The following ACAP2 variants were observed in gnomAD, a reference collection of about 807,000 sequenced individuals.
ACAP2 encodes arf-GAP with coiled-coil, ANK repeat and PH domain-containing protein 2.
ACAP2 carries 39 observed loss-of-function variants against 115.8 expected under a neutral mutation model. That is an observed-to-expected ratio of 0.34 (90% CI 0.26 to 0.44). The LOEUF (loss-of-function observed/expected upper bound fraction) is 0.44, where lower values mean the gene tolerates loss of function less well. ACAP2 is among the 20% of genes least tolerant of loss of function. ACAP2 has a pLI of 1.00. For synonymous variants in ACAP2, 289 were observed against 315.8 expected (o/e 0.92, Z 0.90); for missense variants, 662 against 927.6 (o/e 0.71, Z 3.72).
chr3:195,436,224 G>C (rs1715534812), intron 1 of ACAP2, among the ~76,000 whole-genome samples: 1 of 151,596 alleles, frequency 6.6e-6, no homozygotes, highest in Non-Finnish European at 1.5e-5. Flanking sequence ...CCTCTCCCAG[G>C]CTCAAGTGAT....
intron 4 of ACAP2, among the ~76,000 whole-genome samples, chr3:195,346,028 T>C (rs568321280): frequency 6.6e-6 from 1 of 152,242 alleles, no homozygotes; most frequent in East Asian, 1.9e-4. Flanking sequence ...GAAATATCAA[T>C]ATCCAAAAGA....
chr3:195,327,242 C>T (rs911237584), intron 8 of ACAP2, among the ~76,000 whole-genome samples: 1 of 152,126 alleles, frequency 6.6e-6, no homozygotes, highest in African/African-American at 2.4e-5. Context: ...CAGTGATACA[C>T]GTTCAATCCC....
chr3:195,413,158 G>A (rs927504774), intron 1 of ACAP2, among the ~76,000 whole-genome samples: 33 of 152,242 alleles, frequency 2.2e-4, no homozygotes, highest in African/African-American at 7.9e-4. Flanking sequence ...AGTTTTGGTT[G>A]AAAGTCTTTG....
intron 4 of ACAP2, among the ~76,000 whole-genome samples, chr3:195,375,043 T>C (rs1733430396): frequency 6.6e-6 from 1 of 151,718 alleles, no homozygotes; most frequent in African/African-American, 2.4e-5. Context: ...AATACAAAAA[T>C]TAGCTGGGCC....
intron 2 of ACAP2, among the ~76,000 whole-genome samples, chr3:195,387,057 C>G (rs150265133): frequency 7.9e-5 from 12 of 152,218 alleles, no homozygotes; most frequent in Admixed American, 2.6e-4. Context: ...AATTGTCATA[C>G]AGCAGAACCA....
chr3:195,342,105 A>G (rs1730917963), intron 6 of ACAP2, among the ~76,000 whole-genome samples: 1 of 152,220 alleles, frequency 6.6e-6, no homozygotes, highest in African/African-American at 2.4e-5. Context: ...GCAATTCACC[A>G]TGTGACCAAA....
At chr3:195,327,111 A>G (rs1385060890) in intron 8 of ACAP2, 152 bp from the exon 9 acceptor site, 2 of 731,342 alleles carry the variant, frequency 2.7e-6, no homozygotes, top group East Asian at 2.8e-5. Flanking sequence ...GTAGAAGTTC[A>G]TATTTTTTTC....
intron 8 of ACAP2, among the ~76,000 whole-genome samples, chr3:195,327,924 CCAT>C (rs1055531148): frequency 1.1e-4 from 17 of 151,670 alleles, no homozygotes; most frequent in African/African-American, 4.1e-4. Context: ...GTGCAAGACT[CCAT>C]CAGCCCTCCA....
At chr3:195,397,580 T>G (rs958815162) in intron 1 of ACAP2, among the ~76,000 whole-genome samples, 2 of 151,944 alleles carry the variant, frequency 1.3e-5, no homozygotes, top group African/African-American at 4.8e-5. Flanking sequence ...AATATCTCTA[T>G]GTTGAGAGGC....
intron 4 of ACAP2, among the ~76,000 whole-genome samples, chr3:195,354,631 T>C (rs1161197336): frequency 2.6e-5 from 4 of 152,226 alleles, no homozygotes; most frequent in Non-Finnish European, 5.9e-5. Flanking sequence ...GGTTGTCTGT[T>C]TACTCTGCTG....
At chr3:195,389,107 C>A (rs570915038) in intron 2 of ACAP2, among the ~76,000 whole-genome samples, 5 of 150,984 alleles carry the variant, frequency 3.3e-5, no homozygotes, top group Non-Finnish European at 7.4e-5. Flanking sequence ...AACTTTAGTG[C>A]GAGGGAAAAC....
chr3:195,295,956 A>C, intron 16 of ACAP2, 64 bp from the exon 17 acceptor site: 1 of 1,366,720 alleles, frequency 7.3e-7, no homozygotes, highest in Non-Finnish European at 1.0e-6. Flanking sequence ...TACCACAACA[A>C]GCCATTATAT....
chr3:195,306,128 G>A (rs908811810), intron 13 of ACAP2, among the ~76,000 whole-genome samples: 8 of 152,008 alleles, frequency 5.3e-5, no homozygotes, highest in Non-Finnish European at 1.0e-4. Flanking sequence ...TTTTTAAGGG[G>A]CCTTCACCTA....
intron 1 of ACAP2, among the ~76,000 whole-genome samples, chr3:195,439,624 T>G (rs1577489539): frequency 6.7e-6 from 1 of 150,112 alleles, no homozygotes; most frequent in Admixed American, 6.6e-5. Flanking sequence ...GGTTTTTTTG[T>G]TTTTTTTGTT....
intron 4 of ACAP2, among the ~76,000 whole-genome samples, chr3:195,350,361 G>A (rs888858498): frequency 6.6e-6 from 1 of 152,142 alleles, no homozygotes; most frequent in Non-Finnish European, 1.5e-5. Flanking sequence ...GTATGGTACT[G>A]TATAAAGACA....
chr3:195,431,451 T>C (rs1228961450), intron 1 of ACAP2, among the ~76,000 whole-genome samples: 2 of 151,970 alleles, frequency 1.3e-5, no homozygotes, highest in Non-Finnish European at 1.5e-5. Context: ...TTCTTTTTTT[T>C]CCCCAAGACA....
At chr3:195,394,496 T>C (rs1203352213) in intron 1 of ACAP2, among the ~76,000 whole-genome samples, 1 of 152,206 alleles carries the variant, frequency 6.6e-6, no homozygotes, top group East Asian at 1.9e-4. Flanking sequence ...TTCTACTAAT[T>C]CACTTTTGTA....
intron 4 of ACAP2, among the ~76,000 whole-genome samples, chr3:195,378,432 C>CA (rs1322691473): frequency 6.6e-6 from 1 of 151,720 alleles, no homozygotes; most frequent in African/African-American, 2.4e-5. Flanking sequence ...GCAGAGGTTG[C>CA]AGTGAGCCAA....
At chr3:195,279,471 TATTA>T in intron 22 of ACAP2, 43 bp from the exon 23 acceptor site, 1 of 1,281,502 alleles carries the variant, frequency 7.8e-7, no homozygotes, top group Non-Finnish European at 1.1e-6. Flanking sequence ...TTTACACAAG[TATTA>T]ATCAAACAAC....
Sources: allele counts gnomAD v4.1 joint callset (sites outside exome capture counted in the v4.1 genomes callset), GRCh38; gene constraint gnomAD v4.1.1; transcripts MANE v1.5; gene names NCBI Gene and HGNC (gene_info 2026-07-23, HGNC 2026-07-21).